TMEM135: variants seen among roughly 807,000 people sequenced by gnomAD.
TMEM135 encodes transmembrane protein 135.
In TMEM135, 30 loss-of-function variants were observed where a neutral mutation model predicts 60.3. That is an observed-to-expected ratio of 0.50 (90% CI 0.37 to 0.68). The LOEUF (loss-of-function observed/expected upper bound fraction) is 0.68. Among genes scored for constraint, TMEM135 ranks in the 30% least tolerant of loss-of-function variants. The pLI, the probability that TMEM135 is intolerant of heterozygous loss-of-function variation, is 0.00. For missense variants in TMEM135, 468 were observed against 548.8 expected (o/e 0.85, Z 1.47); for synonymous variants, 190 against 186.7 (o/e 1.02, Z -0.14).
At chr11:87,204,758 G>C (rs1410649601) in intron 5 of TMEM135, among the ~76,000 whole-genome samples, 1 of 152,142 alleles carries the variant, frequency 6.6e-6, no homozygotes, top group Non-Finnish European at 1.5e-5. Context: ...GGCTGAGGAG[G>C]AGGAAGAGGA....
intron 4 of TMEM135, among the ~76,000 whole-genome samples, chr11:87,134,827 A>G (rs1459391538): frequency 1.3e-5 from 2 of 152,126 alleles, no homozygotes; most frequent in African/African-American, 4.8e-5. Flanking sequence ...GCTGTTTTCC[A>G]AAGTGATCAT....
chr11:87,264,083 C>T (rs1181575312), intron 6 of TMEM135, among the ~76,000 whole-genome samples: 1 of 151,812 alleles, frequency 6.6e-6, no homozygotes, highest in Non-Finnish European at 1.5e-5. Context: ...AATATCATAC[C>T]ATGTCATGGA....
intron 5 of TMEM135, among the ~76,000 whole-genome samples, chr11:87,206,934 C>G (rs1940248409): frequency 6.6e-6 from 1 of 151,966 alleles, no homozygotes; most frequent in Non-Finnish European, 1.5e-5. Context: ...ATATCCTGCT[C>G]AAGAGTAAGA....
intron 1 of TMEM135, among the ~76,000 whole-genome samples, chr11:87,050,984 AT>A (rs1949836789): frequency 1.3e-5 from 1 of 79,720 alleles, no homozygotes. Flanking sequence ...AGTGGGCTTC[AT>A]CCCTGGGATG....
intron 5 of TMEM135, among the ~76,000 whole-genome samples, chr11:87,164,048 T>C (rs1938967002): frequency 7.4e-6 from 1 of 134,818 alleles, no homozygotes; most frequent in South Asian, 2.6e-4. Context: ...TTTAATCAGA[T>C]CCCATTTGTC....
At chr11:87,075,529 A>G (rs1156909856) in intron 3 of TMEM135, among the ~76,000 whole-genome samples, 1 of 152,114 alleles carries the variant, frequency 6.6e-6, no homozygotes, top group Non-Finnish European at 1.5e-5. Flanking sequence ...AGCTCAAGTG[A>G]TCCTCCTGCC....
chr11:87,109,788 T>A (rs1857695976), intron 4 of TMEM135, among the ~76,000 whole-genome samples: 1 of 113,052 alleles, frequency 8.8e-6, no homozygotes, highest in East Asian at 3.2e-4. Context: ...GTAAATCAGC[T>A]TTTGCTAACA....
At position 87,302,436 on chromosome 11, in the gene TMEM135, A is replaced by T; in HGVS notation, c.692A>T (p.Asp231Val). Residue 231 changes from aspartate to valine, a missense_variant, in exon 8 of 15, where the codon GAT becomes GTT. Physicochemically the swap from Asp to Val is radical, Grantham distance 152. Transcript: ENST00000305494. ...ATTGGTCTAGTCAGGAAATTTGTGG[A>T]TTCAATGTGAGCTCTTTATCTTGAT... is the stretch of plus-strand genomic sequence containing the variant. Reference protein sequence around the residue: ...NMIGLVRKFVDSICKHGPRHR... With the variant: ...NMIGLVRKFVVSICKHGPRHR... The T allele has an allele frequency of 6.2e-7, 1 of 1,613,846 alleles. No individual in the cohort carries two copies. Among genetic ancestry groups the T allele is most frequent in the African/African-American group, 1.3e-5 (1 of 75,026 alleles).
intron 5 of TMEM135, among the ~76,000 whole-genome samples, chr11:87,194,681 C>A (rs958891883): frequency 6.6e-6 from 1 of 152,084 alleles, no homozygotes; most frequent in Non-Finnish European, 1.5e-5. Context: ...AACAAGATTC[C>A]TGTTGCTCTT....
In TMEM135 at chr11:87,038,030, C is replaced by T. The variant is rs1949718016; in HGVS notation, c.-16C>T. On this transcript the variant is annotated 5_prime_UTR_variant, in exon 1 of 15. Coordinates refer to ENST00000305494, the MANE Select transcript of TMEM135 (RefSeq NM_022918.4). Reference sequence around the variant, plus strand: ...CAGGCTCTCCCCCTCCTGTCTTCTCCGCGCTGTTCCTCGTCATGGCGGCCC... The same window carrying T: ...CAGGCTCTCCCCCTCCTGTCTTCTCTGCGCTGTTCCTCGTCATGGCGGCCC... 2.5e-6 allele frequency: 4 copies of T among 1,613,800 alleles called. No individual in the cohort carries two copies. Among genetic ancestry groups the T allele is most frequent in the Non-Finnish European group, 3.4e-6 (4 of 1,180,008 alleles).
At position 87,325,796 on chromosome 11, in the gene TMEM135, T is replaced by A. The variant is rs747682955; in HGVS notation, c.*4463T>A. On this transcript the variant is annotated 3_prime_UTR_variant, in exon 15 of 15. Transcript: ENST00000305494. ...GAGATGTTTCTCTGTATGTGAAGCC[T>A]TTAAATCCAGAACAATTAATTTCTT... 16 of 453,936 alleles carry A rather than the reference T, an allele frequency of 3.5e-5. No individual in the cohort carries two copies. Among genetic ancestry groups the A allele is most frequent in the Non-Finnish European group, 4.4e-5 (10 of 226,784 alleles). The allele number at this position is 453,936 out of a possible 1,614,324, so 28.1% of individuals were successfully genotyped here.
At chr11:87,282,678 T>C (rs1029364327) in intron 6 of TMEM135, among the ~76,000 whole-genome samples, 3 of 152,212 alleles carry the variant, frequency 2.0e-5, no homozygotes, top group Admixed American at 6.5e-5. Flanking sequence ...GTGTTTTCTT[T>C]TATATTGTCC....
rs1229359730 is a variant in TMEM135 at position 87,322,603 on chromosome 11, T to C, written c.*1270T>C. The C allele has an allele frequency of 2.2e-6, 1 of 453,998 alleles. No individual in the cohort carries two copies. Among genetic ancestry groups the C allele is most frequent in the Non-Finnish European group, 4.4e-6 (1 of 226,708 alleles). 28.1% of individuals were successfully genotyped at this position (453,998 alleles called of 1,614,324 possible). On this transcript the variant is annotated 3_prime_UTR_variant, in exon 15 of 15. Coordinates refer to ENST00000305494, the MANE Select transcript of TMEM135 (RefSeq NM_022918.4). The stretch of plus-strand genomic sequence containing the variant: ...TGTAGGGATGATGATATTTTTAAAA[T>C]ACATTTTGTTGCTAAAAAGTTTTTA...
intron 6 of TMEM135, among the ~76,000 whole-genome samples, chr11:87,251,766 A>T (rs1274464026): frequency 1.3e-5 from 2 of 152,224 alleles, no homozygotes; most frequent in African/African-American, 4.8e-5. Flanking sequence ...AAAAACACTG[A>T]ACTAAAACGC....
chr11:87,258,831 A>G (rs1941584979), intron 6 of TMEM135: 1 of 702,426 alleles, frequency 1.4e-6, no homozygotes, highest in South Asian at 1.5e-5. Context: ...GAGACAGCTC[A>G]TATACGGCAG....
intron 6 of TMEM135, among the ~76,000 whole-genome samples, chr11:87,286,420 C>G (rs1942166366): frequency 1.3e-5 from 2 of 152,242 alleles, no homozygotes; most frequent in Non-Finnish European, 1.5e-5. Context: ...TAAAAGTTCT[C>G]CAAGTCCCCA....
chr11:87,110,506 T>A (rs1353977879), intron 4 of TMEM135, among the ~76,000 whole-genome samples: 2 of 152,066 alleles, frequency 1.3e-5, no homozygotes, highest in Non-Finnish European at 2.9e-5. Flanking sequence ...AATAGCTTTG[T>A]GACTATAACT....
At chr11:87,246,442 A>T (rs996096587) in intron 6 of TMEM135, among the ~76,000 whole-genome samples, 11 of 152,022 alleles carry the variant, frequency 7.2e-5, no homozygotes, top group African/African-American at 2.7e-4. Context: ...TATCCTGCAG[A>T]GTGTTTTCCA....
At chr11:87,207,061 T>G (rs1940251287) in intron 5 of TMEM135, among the ~76,000 whole-genome samples, 1 of 152,216 alleles carries the variant, frequency 6.6e-6, no homozygotes, top group Non-Finnish European at 1.5e-5. Context: ...AGCTAGCTAC[T>G]ACTATAATCA....
Sources: allele counts gnomAD v4.1 joint callset (sites outside exome capture counted in the v4.1 genomes callset), GRCh38; gene constraint gnomAD v4.1.1; transcripts MANE v1.5; gene names NCBI Gene and HGNC (gene_info 2026-07-23, HGNC 2026-07-21).